The following VIPR2 variants were observed in gnomAD, a reference collection of about 807,000 sequenced individuals.
VIPR2 encodes vasoactive intestinal polypeptide receptor 2.
A neutral mutation model predicts 58.0 loss-of-function variants in VIPR2; 48 were observed. The observed-to-expected ratio is 0.83, with a 90% CI of 0.66 to 1.05. The LOEUF (loss-of-function observed/expected upper bound fraction) is 1.05. VIPR2 is among the 50% of genes least tolerant of loss of function. The probability of loss-of-function intolerance (pLI) is 0.00; values close to 1 mark genes in which losing one functional copy is unlikely to be tolerated. For synonymous variants in VIPR2, 243 were observed against 235.2 expected (o/e 1.03, Z -0.30); for missense variants, 534 against 558.0 (o/e 0.96, Z 0.43).
chr7:159,034,802 C>T, intron 8 of VIPR2, 152 bp from the exon 9 acceptor site: 1 of 673,820 alleles, frequency 1.5e-6, no homozygotes, highest in Admixed American at 2.3e-5. Context: ...GAATCTGTCC[C>T]AGGGAGTGAT....
intron 4 of VIPR2, among the ~76,000 whole-genome samples, chr7:159,101,589 G>C (rs566056832): frequency 7.5e-6 from 1 of 132,914 alleles, no homozygotes; most frequent in Non-Finnish European, 1.6e-5. Flanking sequence ...CACGAGATCC[G>C]ACGAGGCGGT....
At chr7:159,057,750 C>G (rs1416056664) in intron 5 of VIPR2, among the ~76,000 whole-genome samples, 2 of 152,180 alleles carry the variant, frequency 1.3e-5, no homozygotes, top group African/African-American at 4.8e-5. Context: ...AACTGCCGTT[C>G]TGGGACCAAA....
At chr7:159,083,616 C>T (rs1048337422) in intron 4 of VIPR2, among the ~76,000 whole-genome samples, 1 of 152,216 alleles carries the variant, frequency 6.6e-6, no homozygotes, top group Admixed American at 6.5e-5. Context: ...CGGGCCAGGC[C>T]TGCTTCTCAC....
intron 3 of VIPR2, among the ~76,000 whole-genome samples, chr7:159,104,138 TG>T (rs1244142935): frequency 3.3e-5 from 5 of 152,204 alleles, no homozygotes; most frequent in African/African-American, 1.2e-4. Flanking sequence ...TGGGGCAGAA[TG>T]AAAATTCTTA....
Position 159,098,190 on chromosome 7 carries a change from T to A in VIPR2, c.357+5567A>T, listed in dbSNP as rs1857981070. On this transcript the variant is annotated intron_variant, in intron 4 of 12. Coordinates refer to ENST00000262178, the MANE Select transcript of VIPR2 (RefSeq NM_003382.5). The surrounding 1 kb of genome is among the most constrained non-coding windows in gnomAD (Gnocchi z 5.2). The stretch of plus-strand genomic sequence containing the variant: ...TCAGCACAGAAGAGTTGTGATGGGA[T>A]GAAGGGCAGGGCAGGGCAGGGCCGG... Among the ~76,000 whole-genome samples, 1 of 152,236 alleles carries A rather than the reference T, an allele frequency of 6.6e-6. No homozygotes were observed. The highest frequency in any genetic ancestry group is 1.9e-4 in the East Asian group (1 of 5,170).
intron 5 of VIPR2, among the ~76,000 whole-genome samples, chr7:159,046,883 G>A (rs1489754597): frequency 2.6e-5 from 4 of 152,148 alleles, no homozygotes; most frequent in Non-Finnish European, 5.9e-5. Context: ...TACAAAAAGT[G>A]AAAATTTTCA....
At chr7:159,041,996 TTTTTAA>T (rs1280762797) in intron 6 of VIPR2, among the ~76,000 whole-genome samples, 4 of 152,108 alleles carry the variant, frequency 2.6e-5, no homozygotes, top group Non-Finnish European at 5.9e-5. Context: ...AAAAATCTTG[TTTTTAA>T]TTTTGTTATC....
intron 7 of VIPR2, 97 bp downstream of exon 7, chr7:159,036,655 C>T (rs1426016028): frequency 1.1e-5 from 16 of 1,435,956 alleles, no homozygotes; most frequent in African/African-American, 7.1e-5. Flanking sequence ...ATGCATTCTA[C>T]GGGGGCGGCA....
intron 5 of VIPR2, among the ~76,000 whole-genome samples, chr7:159,050,354 C>CAAAAAAAAAAAAAAAAAA (rs11302236): frequency 2.2e-5 from 3 of 139,160 alleles, no homozygotes; most frequent in Non-Finnish European, 1.5e-5. Context: ...CACAAAAAAA[C>CAAAAAAAAAAAAAAAAAA]AAAAAAAAAA....
intron 4 of VIPR2, among the ~76,000 whole-genome samples, chr7:159,092,367 G>A (rs1857552648): frequency 6.6e-6 from 1 of 152,222 alleles, no homozygotes; most frequent in Non-Finnish European, 1.5e-5. Context: ...GAGGTCAGGA[G>A]GAGGGGACAG....
Position 159,043,221 on chromosome 7 carries a change from G to A in VIPR2, c.456-45C>T, listed in dbSNP as rs377074455. ...GAGAGAGGAATTGGAGGGGGAAGGG[G>A]AGGGAGGGAGAGAGAACCAGACAGA... is the stretch of plus-strand genomic sequence containing the variant. On this transcript the variant is annotated intron_variant, in intron 5 of 12. Transcript: ENST00000262178. 168 of 1,398,944 alleles carry A rather than the reference G, an allele frequency of 1.2e-4. 1 individual carries two copies. Among genetic ancestry groups the A allele is most frequent in the Admixed American group, 4.0e-4 (21 of 52,704 alleles). The allele number at this position is 1,398,944 out of a possible 1,614,324, so 86.7% of individuals were successfully genotyped here.
intron 2 of VIPR2, among the ~76,000 whole-genome samples, 183 bp from the exon 3 acceptor site, chr7:159,110,102 T>C (rs1795934336): frequency 6.6e-6 from 1 of 152,250 alleles, no homozygotes; most frequent in Non-Finnish European, 1.5e-5. Flanking sequence ...GGAATAACCA[T>C]ATGGTGGTAG....
In VIPR2 at chr7:159,033,558, T is replaced by C. The variant is rs116732796; in HGVS notation, c.971+655A>G. Among the ~76,000 whole-genome samples the C allele has an allele frequency of 7.8e-3, 1,186 of 152,346 alleles. 9 individuals carry two copies. Among genetic ancestry groups the C allele is most frequent in the African/African-American group, 0.022 (922 of 41,572 alleles). On this transcript the variant is annotated intron_variant, in intron 10 of 12. Coordinates refer to ENST00000262178, the MANE Select transcript of VIPR2 (RefSeq NM_003382.5). Reference sequence around the variant, plus strand: ...ACTTTATAGATTCCCCGGATCATCATGAATTAGCTGGATGACTGGGGGTGA... The same window carrying C: ...ACTTTATAGATTCCCCGGATCATCACGAATTAGCTGGATGACTGGGGGTGA...
In VIPR2 at chr7:159,099,652, C is replaced by T. The variant is rs1243365858; in HGVS notation, c.357+4105G>A. Among the ~76,000 whole-genome samples the T allele has an allele frequency of 1.3e-5, 2 of 152,192 alleles. No homozygotes were observed. Among genetic ancestry groups the T allele is most frequent in the Non-Finnish European group, 2.9e-5 (2 of 68,028 alleles). On this transcript the variant is annotated intron_variant, in intron 4 of 12. Coordinates refer to ENST00000262178, the MANE Select transcript of VIPR2 (RefSeq NM_003382.5). The surrounding 1 kb of genome is among the most constrained non-coding windows in gnomAD (Gnocchi z 4.2). ...GCTGGGGGCCTTGGTCTCTGCTCTT[C>T]ACCAGCACCTCTGTCCTAATGTCTC...
chr7:159,125,927 G>A (rs1174637389), intron 2 of VIPR2, among the ~76,000 whole-genome samples: 2 of 152,172 alleles, frequency 1.3e-5, no homozygotes, highest in Admixed American at 6.5e-5. Flanking sequence ...GGGAGCAGTC[G>A]TACAGAGACC....
chr7:159,040,409 G>C (rs1854252335), intron 6 of VIPR2, among the ~76,000 whole-genome samples: 1 of 152,266 alleles, frequency 6.6e-6, no homozygotes, highest in South Asian at 2.1e-4. Context: ...ACTCAGCTTA[G>C]TAAGCTTGGG....
intron 4 of VIPR2, among the ~76,000 whole-genome samples, chr7:159,090,620 A>G (rs1278747041): frequency 3.8e-4 from 40 of 104,044 alleles, no homozygotes; most frequent in Middle Eastern, 9.6e-3. Flanking sequence ...CTGGGACCAC[A>G]CACAGAGGCC....
chr7:159,039,970 C>T (rs1258513669), intron 6 of VIPR2, among the ~76,000 whole-genome samples: 2 of 152,192 alleles, frequency 1.3e-5, no homozygotes, highest in South Asian at 2.1e-4. Flanking sequence ...TGAAAGCAGG[C>T]GCCGACCTGG....
chr7:159,117,408 T>G (rs2129496701), intron 2 of VIPR2: 1 of 717,486 alleles, frequency 1.4e-6, no homozygotes, highest in East Asian at 2.7e-5. Context: ...TTGTATGGCC[T>G]GTGAACAGAC....
Sources: gnomAD v4.1 joint callset for allele counts (sites outside exome capture counted in the v4.1 genomes callset) on GRCh38, gnomAD v4.1.1 for gene constraint, Gnocchi (gnomAD v3.1) non-coding constraint, MANE v1.5 for transcripts, NCBI Gene and HGNC (gene_info 2026-07-23, HGNC 2026-07-21) for gene names.